Variants in WDR76 observed in about 807,000 individuals in gnomAD.
WDR76 encodes the protein WD repeat-containing protein 76.
WDR76 carries 52 observed loss-of-function variants against 70.2 expected under a neutral mutation model. The ratio of observed to expected loss-of-function variants is 0.74; its 90% confidence interval spans 0.59 to 0.93. The LOEUF (loss-of-function observed/expected upper bound fraction) is 0.93. WDR76 is among the 40% of genes least tolerant of loss of function. WDR76 has a pLI of 0.00. For missense variants in WDR76, 756 were observed against 760.2 expected (o/e 0.99, Z 0.07); for synonymous variants, 292 against 271.1 (o/e 1.08, Z -0.76).
intron 9 of WDR76, among the ~76,000 whole-genome samples, chr15:43,856,124 C>A (rs570273746): frequency 3.3e-5 from 5 of 152,130 alleles, no homozygotes; most frequent in Admixed American, 3.3e-4. Flanking sequence ...CTACCTTATT[C>A]TTTTTAGCAT....
At chr15:43,862,344 G>A (rs1388182137) in intron 12 of WDR76, among the ~76,000 whole-genome samples, 1 of 112,694 alleles carries the variant, frequency 8.9e-6, no homozygotes, top group Non-Finnish European at 1.7e-5. Context: ...TAAAGATAGA[G>A]TCTCACTTTG....
At chr15:43,838,374 C>G (rs769057486) in intron 4 of WDR76, among the ~76,000 whole-genome samples, 9 of 151,780 alleles carry the variant, frequency 5.9e-5, no homozygotes, top group Non-Finnish European at 1.0e-4. Context: ...TTAGTAGATA[C>G]GGGGTTTCGC....
intron 9 of WDR76, among the ~76,000 whole-genome samples, chr15:43,856,089 A>G (rs1190924185): frequency 1.3e-5 from 2 of 152,176 alleles, no homozygotes; most frequent in Non-Finnish European, 2.9e-5. Flanking sequence ...TTAATAGTAT[A>G]TCTTGGACAG....
intron 8 of WDR76, among the ~76,000 whole-genome samples, chr15:43,848,071 AAAC>A (rs2087810385): frequency 6.9e-6 from 1 of 145,310 alleles, no homozygotes; most frequent in African/African-American, 2.7e-5. Flanking sequence ...CTCTTAAAAA[AAAC>A]AAACAAACAA....
At chr15:43,841,800 C>T (rs1229017116) in intron 5 of WDR76, among the ~76,000 whole-genome samples, 4 of 152,220 alleles carry the variant, frequency 2.6e-5, no homozygotes, top group Admixed American at 1.3e-4. Context: ...TTCTCAGCTT[C>T]TCCAGTTATT....
At chr15:43,863,328 A>G (rs1245512789) in intron 12 of WDR76, among the ~76,000 whole-genome samples, 1 of 152,140 alleles carries the variant, frequency 6.6e-6, no homozygotes, top group Non-Finnish European at 1.5e-5. Flanking sequence ...AAATCAAGCT[A>G]ATTAACATAT....
At chr15:43,847,572 T>G (rs571590815) in intron 8 of WDR76, among the ~76,000 whole-genome samples, 1 of 152,162 alleles carries the variant, frequency 6.6e-6, no homozygotes, top group Non-Finnish European at 1.5e-5. Context: ...AGGCGTCCGC[T>G]ACCACACCTG....
chr15:43,837,802 C>A (rs1369354187), intron 4 of WDR76, among the ~76,000 whole-genome samples: 1 of 151,888 alleles, frequency 6.6e-6, no homozygotes, highest in Non-Finnish European at 1.5e-5. Context: ...CCCTGAAGGC[C>A]CATATATACC....
chr15:43,827,958 T>G lies in WDR76; in HGVS notation c.61-7T>G, dbSNP rs200503262. The G allele has an allele frequency of 3.8e-6, 6 of 1,589,676 alleles. No individual in the cohort carries two copies. The East Asian group carries it at 1.1e-4, about 30-fold the overall frequency. ...AATATTCTGTTTTCTTTTATTGATC[T>G]GAATAGGTAAATGAATATAAAGAAA... is the stretch of plus-strand genomic sequence containing the variant. On this transcript the variant is annotated splice_polypyrimidine_tract_variant and splice_region_variant and intron_variant, in intron 1 of 12. Coordinates refer to ENST00000263795, the MANE Select transcript of WDR76 (RefSeq NM_024908.4).
At chr15:43,833,129 C>G (rs181267812) in intron 2 of WDR76, among the ~76,000 whole-genome samples, 1 of 151,898 alleles carries the variant, frequency 6.6e-6, no homozygotes, top group African/African-American at 2.4e-5. Context: ...AAGCTCATGT[C>G]TTTAGTTTTG....
At chr15:43,856,121 A>C (rs2087923677) in intron 9 of WDR76, among the ~76,000 whole-genome samples, 2 of 152,112 alleles carry the variant, frequency 1.3e-5, no homozygotes. Context: ...AAACTACCTT[A>C]TTCTTTTTAG....
At chr15:43,834,299 T>C (rs1412752531) in intron 2 of WDR76, among the ~76,000 whole-genome samples, 1 of 134,964 alleles carries the variant, frequency 7.4e-6, no homozygotes, top group Non-Finnish European at 1.6e-5. Context: ...AAAAAATAAC[T>C]TTTTTTTTTT....
Position 43,866,582 on chromosome 15 carries a change from C to G in WDR76, c.*190C>G. 2 of 545,856 alleles carry G rather than the reference C, an allele frequency of 3.7e-6. No individual in the cohort carries two copies. Among genetic ancestry groups the G allele is most frequent in the Admixed American group, 3.6e-5 (1 of 28,122 alleles). The allele number at this position is 545,856 out of a possible 1,614,324, so 33.8% of individuals were successfully genotyped here. ...GTCTTGGAGGGTTGCTTCTGCAGGA[C>G]GGGGAGGGAATTTGAGGGGAGGCTG... On this transcript the variant is annotated 3_prime_UTR_variant, in exon 13 of 13. Transcript: ENST00000263795.
chr15:43,866,229 G>T lies in WDR76; in HGVS notation c.1718G>T (p.Arg573Leu). The T allele has an allele frequency of 6.2e-7, 1 of 1,614,172 alleles. No homozygotes were observed. The change falls in exon 13 of 13, where the codon CGG becomes CTG. Residue 573 changes from arginine (R) to leucine (L), a missense_variant. Arg to Leu is a moderately radical substitution (Grantham distance 102). Coordinates refer to ENST00000263795, the MANE Select transcript of WDR76 (RefSeq NM_024908.4). ...GTTGGCAGCATGGCCCATCCACGAC[G>T]GGTAGAAATCTTCCATGAGACAGGA... ...VIVGSMAHPR[R>L]VEIFHETGKR...
chr15:43,859,759 G>A lies in WDR76; in HGVS notation c.1562+936G>A, dbSNP rs373730803. Among the ~76,000 whole-genome samples, 13 of 152,278 alleles carry A rather than the reference G, an allele frequency of 8.5e-5. No homozygotes were observed. The East Asian group carries it at 2.3e-3, about 27-fold the overall frequency. On this transcript the variant is annotated intron_variant, in intron 11 of 12. Transcript: ENST00000263795. ...TATTCTGTTCCTGTTCGTTTACACT[G>A]CAGTTTACTCTTGTTACATTAACTA... is the stretch of plus-strand genomic sequence containing the variant.
chr15:43,861,430 A>G (rs1189210109), intron 12 of WDR76, 44 bp downstream of exon 12: 1 of 1,540,918 alleles, frequency 6.5e-7, no homozygotes, highest in African/African-American at 1.4e-5. Context: ...GATTACTATG[A>G]ACTATTTGTT....
chr15:43,832,025 G>T (rs1274623410), intron 2 of WDR76, among the ~76,000 whole-genome samples: 1 of 152,072 alleles, frequency 6.6e-6, no homozygotes, highest in African/African-American at 2.4e-5. Flanking sequence ...AGGATTATAG[G>T]CGTGAGCCAC....
At chr15:43,859,374 A>G (rs942871501) in intron 11 of WDR76, among the ~76,000 whole-genome samples, 17 of 152,382 alleles carry the variant, frequency 1.1e-4, no homozygotes, top group Middle Eastern at 3.4e-3. Flanking sequence ...GTGTCAATAA[A>G]GATGTCGGGA....
At chr15:43,848,922 A>G in intron 8 of WDR76, among the ~76,000 whole-genome samples, 1 of 148,444 alleles carries the variant, frequency 6.7e-6, no homozygotes, top group African/African-American at 2.5e-5. Context: ...TGGGCGACAG[A>G]GTTGAGACTT....
Sources: allele counts gnomAD v4.1 joint callset (sites outside exome capture counted in the v4.1 genomes callset), GRCh38; gene constraint gnomAD v4.1.1; transcripts MANE v1.5; gene names NCBI Gene and HGNC (gene_info 2026-07-23, HGNC 2026-07-21).